The following ZC3H4 variants were observed in gnomAD, a reference collection of about 807,000 sequenced individuals.
The protein encoded by ZC3H4 is zinc finger CCCH domain-containing protein 4.
A neutral mutation model predicts 108.3 loss-of-function variants in ZC3H4; 13 were observed. The observed-to-expected ratio is 0.12, with a 90% confidence interval of 0.08 to 0.19. ZC3H4 has a LOEUF of 0.19. Among genes scored for constraint, ZC3H4 ranks in the 10% least tolerant of loss-of-function variants. The pLI is 1.00. For synonymous variants in ZC3H4, 917 were observed against 749.6 expected (o/e 1.22, Z -3.65); for missense variants, 1,734 against 1,838.8 (o/e 0.94, Z 1.04).
At position 47,112,565 on chromosome 19, in the gene ZC3H4, G is replaced by T. The variant is rs966718471; in HGVS notation, c.20C>A (p.Thr7Asn). 4.6e-6 allele frequency: 5 copies of T among 1,081,122 alleles called. No individual in the cohort carries two copies. Among genetic ancestry groups the T allele is most frequent in the South Asian group, 4.4e-5 (1 of 22,686 alleles). The allele number at this position is 1,081,122 out of a possible 1,614,324, so 67.0% of individuals were successfully genotyped here. MEAAPG[T>N]PPPPPSESPP... ...CGACTCTGATGGCGGCGGCGGGGGG[G>T]TCCCGGGCGCGGCCTCCATAGTTCC... The change falls in exon 2 of 15, where the codon ACC becomes AAC. Residue 7 changes from threonine to asparagine, a missense_variant. By Grantham distance (65) the Thr-to-Asn change is moderately conservative. Coordinates refer to ENST00000253048, the MANE Select transcript of ZC3H4 (RefSeq NM_015168.2).
chr19:47,090,842 A>G (rs576173405), intron 4 of ZC3H4, among the ~76,000 whole-genome samples: 156 of 152,332 alleles, frequency 1.0e-3, no homozygotes, highest in Admixed American at 3.3e-3. Context: ...ATCAATTCTA[A>G]CAAAGTTACC....
chr19:47,082,896 C>G (rs1317112852), intron 9 of ZC3H4, among the ~76,000 whole-genome samples: 1 of 152,168 alleles, frequency 6.6e-6, no homozygotes, highest in African/African-American at 2.4e-5. Context: ...CGGTTGAACA[C>G]AGTCTCAACG....
chr19:47,096,295 T>C (rs182537649), intron 2 of ZC3H4, among the ~76,000 whole-genome samples: 25 of 152,360 alleles, frequency 1.6e-4, no homozygotes, highest in African/African-American at 5.3e-4. Flanking sequence ...ACCTGACCCA[T>C]GTGCACCTTG....
chr19:47,071,177 C>T (rs779642964), intron 13 of ZC3H4, among the ~76,000 whole-genome samples: 2 of 152,244 alleles, frequency 1.3e-5, no homozygotes, highest in South Asian at 2.1e-4. Flanking sequence ...TCTATCTACA[C>T]GCTTGCCACC....
chr19:47,078,619 C>A (rs992460988), intron 11 of ZC3H4, among the ~76,000 whole-genome samples: 7 of 152,128 alleles, frequency 4.6e-5, no homozygotes, highest in Non-Finnish European at 8.8e-5. Context: ...CATGGTGAAA[C>A]CCTGTCTCTA....
intron 2 of ZC3H4, among the ~76,000 whole-genome samples, chr19:47,097,678 G>A (rs1225160521): frequency 6.6e-6 from 1 of 152,180 alleles, no homozygotes; most frequent in African/African-American, 2.4e-5. Context: ...CAGACTGCCG[G>A]CAAAATCCGT....
intron 9 of ZC3H4, among the ~76,000 whole-genome samples, chr19:47,082,647 T>C (rs2057544992): frequency 6.6e-6 from 1 of 152,072 alleles, no homozygotes; most frequent in African/African-American, 2.4e-5. Flanking sequence ...TTTTGTCCAT[T>C]TTTCTTCCTC....
rs1428548229 is a variant in ZC3H4 at position 47,072,589 on chromosome 19, C to T, written c.1565G>A (p.Arg522Gln). 3 of 1,576,446 alleles carry T rather than the reference C, an allele frequency of 1.9e-6. No homozygotes were observed. Among genetic ancestry groups the T allele is most frequent in the Non-Finnish European group, 8.6e-7 (1 of 1,165,962 alleles). ...PGVGLLPTPP[R>Q]PPGPQAPTSP... ...GGTTGGAGCCTGCGGGCCAGGGGGCCGAGGAGGGGTGGGCAGGAGGCCCAC... is the reference window on the plus strand; with the variant it reads ...GGTTGGAGCCTGCGGGCCAGGGGGCTGAGGAGGGGTGGGCAGGAGGCCCAC... The change falls in exon 12 of 15, where the codon CGG becomes CAG. Residue 522 changes from arginine (R) to glutamine (Q), a missense_variant. Coordinates refer to ENST00000253048, the MANE Select transcript of ZC3H4 (RefSeq NM_015168.2). The surrounding 1 kb of genome is among the most constrained non-coding windows in gnomAD (Gnocchi z 5.6).
At chr19:47,070,839 G>A (rs933598685) in intron 13 of ZC3H4, among the ~76,000 whole-genome samples, 2 of 152,076 alleles carry the variant, frequency 1.3e-5, no homozygotes, top group Non-Finnish European at 2.9e-5. Context: ...TGCCGCTCCT[G>A]CCCACCTTGC....
rs567465985 is a variant in ZC3H4 at position 47,106,732 on chromosome 19, TAA to T, written c.161+5690_161+5691del. On this transcript the variant is annotated intron_variant, in intron 2 of 14. Coordinates refer to ENST00000253048, the MANE Select transcript of ZC3H4 (RefSeq NM_015168.2). ...GGCAGTAACAACCCTAGCCCGACTC[TAA>T]ATAAAGTCTTCATGATAGAAGGGTT... Among the ~76,000 whole-genome samples the T allele has an allele frequency of 2.9e-3, 438 of 152,310 alleles. 2 individuals are homozygous for T. The highest frequency in any genetic ancestry group is 0.01 in the African/African-American group (417 of 41,562).
At chr19:47,087,257 C>CA (rs1211011662) in intron 5 of ZC3H4, among the ~76,000 whole-genome samples, 2 of 149,820 alleles carry the variant, frequency 1.3e-5, no homozygotes, top group Non-Finnish European at 3.0e-5. Flanking sequence ...GCTTGGGCAA[C>CA]AGAGTGAGAC....
chr19:47,075,074 A>G (rs1021217359), intron 11 of ZC3H4, among the ~76,000 whole-genome samples: 8 of 152,152 alleles, frequency 5.3e-5, no homozygotes, highest in African/African-American at 1.9e-4. Context: ...GGGGTTGTGC[A>G]TTCGCAGTTT....
At chr19:47,108,918 G>C (rs1568570903) in intron 2 of ZC3H4, among the ~76,000 whole-genome samples, 1 of 152,104 alleles carries the variant, frequency 6.6e-6, no homozygotes, top group Non-Finnish European at 1.5e-5. Context: ...AAAAAATAAA[G>C]GGGTTTTATG....
At position 47,085,255 on chromosome 19, in the gene ZC3H4, A is replaced by G. The variant is rs953862062; in HGVS notation, c.968-60T>C. ...CACCCCCTCCCCCACCCCCAGGACT[A>G]GATTCCAGCAGCTGCTGGAATCCCT... On this transcript the variant is annotated intron_variant, in intron 7 of 14. Coordinates refer to ENST00000253048, the MANE Select transcript of ZC3H4 (RefSeq NM_015168.2). 1.5e-5 allele frequency: 24 copies of G among 1,551,844 alleles called. 1 individual carries two copies. The Middle Eastern group carries it at 6.8e-4, about 44-fold the overall frequency.
At chr19:47,105,590 T>C (rs956545286) in intron 2 of ZC3H4, among the ~76,000 whole-genome samples, 2 of 152,064 alleles carry the variant, frequency 1.3e-5, no homozygotes, top group Non-Finnish European at 2.9e-5. Flanking sequence ...CAGAGCAAGA[T>C]TCTGTCTCAA....
Position 47,072,065 on chromosome 19 carries a change from G to A in ZC3H4, c.1859C>T (p.Pro620Leu), listed in dbSNP as rs2057339535. 1.9e-6 allele frequency: 3 copies of A among 1,581,274 alleles called. No homozygotes were observed. Among genetic ancestry groups the A allele is most frequent in the Non-Finnish European group, 2.6e-6 (3 of 1,163,710 alleles). ...CATTGGACCGCCCATTGGCCCTGGG[G>A]GTCCCATGTTGGGCCCAGGGCCCAT... is the stretch of plus-strand genomic sequence containing the variant. ...GPMGPGPNMGPPGPMGGPMHP... is the reference protein window; with the variant it reads ...GPMGPGPNMGLPGPMGGPMHP... The change falls in exon 13 of 15, where the codon CCC becomes CTC. Residue 620 changes from proline to leucine, a missense_variant. Transcript: ENST00000253048. This position sits in a 1 kb window ranked among gnomAD's most constrained non-coding sequence, Gnocchi z 5.6.
rs748739777 is a variant in ZC3H4 at position 47,066,632 on chromosome 19, C to T, written c.3636G>A (p.Thr1212=). Residue 1212 remains threonine (T), a synonymous_variant, in exon 15 of 15, where the codon ACG becomes ACA. Transcript: ENST00000253048. ...GKAGADGGTP[T]DRYNSYNRPR... ...GCCGGTTGTAGCTGTTGTATCTGTC[C>T]GTGGGGGTGCCCCCATCAGCACCGG... 6.6e-5 allele frequency: 107 copies of T among 1,611,662 alleles called. No individual in the cohort carries two copies. The highest frequency in any genetic ancestry group is 1.6e-4 in the Middle Eastern group (1 of 6,064).
At chr19:47,090,454 C>CA (rs1006550947) in intron 4 of ZC3H4, among the ~76,000 whole-genome samples, 4 of 152,140 alleles carry the variant, frequency 2.6e-5, no homozygotes, top group African/African-American at 9.7e-5. Flanking sequence ...CCCTGATGAA[C>CA]AAAGGGGAGA....
chr19:47,096,809 T>C lies in ZC3H4; in HGVS notation c.162-2201A>G, dbSNP rs1568561678. 8 of 985,448 alleles carry C rather than the reference T, an allele frequency of 8.1e-6. No individual in the cohort carries two copies. The South Asian group carries it at 3.3e-4, about 41-fold the overall frequency. 61.0% of individuals were successfully genotyped at this position (985,448 alleles called of 1,614,324 possible). On this transcript the variant is annotated intron_variant, in intron 2 of 14. Transcript: ENST00000253048. ...GTGCCAGGTTGCTTGACTACCTCCT[T>C]TTCTGCACTGACAAGAAACTTGGTC... is the stretch of plus-strand genomic sequence containing the variant.
Sources: gnomAD v4.1 joint callset for allele counts (sites outside exome capture counted in the v4.1 genomes callset) on GRCh38, gnomAD v4.1.1 for gene constraint, Gnocchi (gnomAD v3.1) non-coding constraint, MANE v1.5 for transcripts, NCBI Gene and HGNC (gene_info 2026-07-23, HGNC 2026-07-21) for gene names.